DDX10: variants seen among roughly 807,000 people sequenced by gnomAD.
DDX10 encodes DEAD-box helicase 10.
DDX10 carries 74 observed loss-of-function variants against 104.3 expected under a neutral mutation model. That is an observed-to-expected ratio of 0.71 (90% CI 0.59 to 0.86). DDX10 has a LOEUF of 0.86. Among genes scored for constraint, DDX10 ranks in the 40% least tolerant of loss-of-function variants. The pLI, the probability that DDX10 is intolerant of heterozygous loss-of-function variation, is 0.00. For missense variants in DDX10, 952 were observed against 1,040.0 expected, an observed-to-expected ratio of 0.92 and a Z score of 1.16; for synonymous variants, 351 against 353.4, an observed-to-expected ratio of 0.99 and a Z score of 0.08.
intron 13 of DDX10, among the ~76,000 whole-genome samples, chr11:108,745,171 T>TCCCTCCCCTCCCCTC (rs368639436): frequency 1.1e-5 from 1 of 89,050 alleles, no homozygotes; most frequent in Non-Finnish European, 2.2e-5. Context: ...CTTCCCTTCC[T>TCCCTCCCCTCCCCTC]CCCTCCCCTC....
intron 1 of DDX10, 42 bp downstream of exon 1, chr11:108,665,381 C>G: frequency 6.6e-7 from 1 of 1,510,444 alleles, no homozygotes. Context: ...CGGCCAGCAG[C>G]GGGGCAGCGT....
intron 16 of DDX10, among the ~76,000 whole-genome samples, chr11:108,865,896 G>T (rs1237245662): frequency 6.6e-6 from 1 of 152,090 alleles, no homozygotes; most frequent in African/African-American, 2.4e-5. Flanking sequence ...AGTTTTGGGA[G>T]TTGTCTACAT....
intron 16 of DDX10, among the ~76,000 whole-genome samples, chr11:108,905,351 A>G (rs1863581406): frequency 7.1e-6 from 1 of 140,048 alleles, no homozygotes; most frequent in African/African-American, 2.6e-5. Context: ...CAGTCCCACC[A>G]CCTGAAGTTT....
rs930764446 is a variant in DDX10, at chr11:108,817,637, T to C, written c.1966-20809T>C. On this transcript the variant is annotated intron_variant, in intron 13 of 17. Transcript: ENST00000322536. Reference sequence around the variant, plus strand: ...GCCTAGAATGTTACTTACAGTATGGTAGATAGCCAGTGTTTGTTGAATAAA... The same window carrying C: ...GCCTAGAATGTTACTTACAGTATGGCAGATAGCCAGTGTTTGTTGAATAAA... 5.3e-5 allele frequency among the ~76,000 whole-genome samples: 8 copies of C among 152,244 alleles called. No homozygotes were observed. The East Asian group carries it at 5.8e-4, about 11-fold the overall frequency.
intron 15 of DDX10, among the ~76,000 whole-genome samples, chr11:108,844,435 T>C (rs1862685695): frequency 6.6e-6 from 1 of 152,238 alleles, no homozygotes; most frequent in Non-Finnish European, 1.5e-5. Flanking sequence ...GCATGTTTAC[T>C]ACAATAGCAT....
intron 13 of DDX10, among the ~76,000 whole-genome samples, chr11:108,767,056 A>G (rs2094357272): frequency 6.6e-6 from 1 of 152,168 alleles, no homozygotes; most frequent in Non-Finnish European, 1.5e-5. Context: ...TTCAGCTCTT[A>G]TATTGGAGAG....
chr11:108,812,539 A>G (rs1862197141), intron 13 of DDX10, among the ~76,000 whole-genome samples: 1 of 152,178 alleles, frequency 6.6e-6, no homozygotes. Context: ...AATAGTAAAC[A>G]CTGAATTGCA....
intron 1 of DDX10, 97 bp from the exon 2 acceptor site, chr11:108,673,370 G>A: frequency 1.3e-6 from 1 of 790,580 alleles, no homozygotes. Context: ...ATTCAACCCT[G>A]AATTACCAAG....
rs1169295140 is a variant in DDX10 at position 108,891,007 on chromosome 11, G to T, written c.2305-26866G>T. On this transcript the variant is annotated intron_variant, in intron 16 of 17. Coordinates refer to ENST00000322536, the MANE Select transcript of DDX10 (RefSeq NM_004398.4). ...TCTGTGTTCGAGACCATTTTTGTGTGTGTCTACTGACTATCTTTCCATCTA... is the reference window on the plus strand; with the variant it reads ...TCTGTGTTCGAGACCATTTTTGTGTTTGTCTACTGACTATCTTTCCATCTA... Among the ~76,000 whole-genome samples the T allele has an allele frequency of 3.9e-5, 6 of 152,086 alleles. No individual in the cohort carries two copies. The East Asian group carries it at 1.2e-3, about 29-fold the overall frequency.
At position 108,717,554 on chromosome 11, in the gene DDX10, C is replaced by T. The variant is rs556761656; in HGVS notation, c.1410+1588C>T. On this transcript the variant is annotated intron_variant, in intron 11 of 17. Coordinates refer to ENST00000322536, the MANE Select transcript of DDX10 (RefSeq NM_004398.4). ...TCAAAACTCCTGGCCTCAAGTGATC[C>T]GCTTGCCTTGGCCTCCCAAAGTGCT... is the stretch of plus-strand genomic sequence containing the variant. Among the ~76,000 whole-genome samples, 6 of 152,242 alleles carry T rather than the reference C, an allele frequency of 3.9e-5. No individual in the cohort carries two copies. The East Asian group carries it at 5.8e-4, about 15-fold the overall frequency.
chr11:108,718,851 A>G (rs2094294859), intron 11 of DDX10, among the ~76,000 whole-genome samples: 1 of 152,236 alleles, frequency 6.6e-6, no homozygotes, highest in Non-Finnish European at 1.5e-5. Flanking sequence ...TTATTTTTAA[A>G]CTGGTGCCAT....
chr11:108,863,132 C>G (rs1862962128), intron 16 of DDX10, among the ~76,000 whole-genome samples: 1 of 152,308 alleles, frequency 6.6e-6, no homozygotes, highest in African/African-American at 2.4e-5. Flanking sequence ...CTTTCACCAT[C>G]TACAGTCTAA....
At chr11:108,736,494 G>A (rs908895528) in intron 13 of DDX10, among the ~76,000 whole-genome samples, 6 of 152,012 alleles carry the variant, frequency 3.9e-5, no homozygotes, top group Non-Finnish European at 2.9e-5. Flanking sequence ...ATTCTTTTTG[G>A]TATTGGGCTC....
chr11:108,938,722 T>C (rs1864066721), intron 17 of DDX10, among the ~76,000 whole-genome samples: 1 of 152,178 alleles, frequency 6.6e-6, no homozygotes, highest in South Asian at 2.1e-4. Context: ...CATAGTGCCA[T>C]CTAGTTTGTC....
intron 16 of DDX10, among the ~76,000 whole-genome samples, chr11:108,871,928 C>A (rs1031147836): frequency 3.3e-5 from 5 of 149,808 alleles, no homozygotes; most frequent in Non-Finnish European, 1.5e-5. Context: ...AATTCTGCCT[C>A]AAAAAAAAAA....
chr11:108,863,463 C>CA (rs1862966453), intron 16 of DDX10, among the ~76,000 whole-genome samples: 2 of 151,966 alleles, frequency 1.3e-5, no homozygotes, highest in Non-Finnish European at 2.9e-5. Context: ...ATTAGTTTTC[C>CA]CCCTTACTAC....
intron 13 of DDX10, among the ~76,000 whole-genome samples, chr11:108,803,582 GAAA>G (rs34367715): frequency 4.5e-5 from 1 of 22,460 alleles, no homozygotes; most frequent in Non-Finnish European, 1.2e-4. Context: ...CAACAAGAGC[GAAA>G]AAAAAAAAAA....
chr11:108,814,792 A>C (rs1229405933), intron 13 of DDX10, among the ~76,000 whole-genome samples: 1 of 152,246 alleles, frequency 6.6e-6, no homozygotes, highest in Non-Finnish European at 1.5e-5. Context: ...GGAATAAGTG[A>C]AATCAGCTAA....
intron 13 of DDX10, among the ~76,000 whole-genome samples, chr11:108,726,109 A>G (rs1466231343): frequency 6.6e-6 from 1 of 151,962 alleles, no homozygotes; most frequent in African/African-American, 2.4e-5. Context: ...CTGTCCTTTC[A>G]CCAATAACAC....
Sources: allele counts gnomAD v4.1 joint callset (sites outside exome capture counted in the v4.1 genomes callset), GRCh38; gene constraint gnomAD v4.1.1; transcripts MANE v1.5; gene names NCBI Gene and HGNC (gene_info 2026-07-23, HGNC 2026-07-21).